Variants in TBC1D8B observed in about 807,000 individuals in gnomAD.
TBC1D8B encodes TBC1 domain family member 8B, also known as RP11-321G1.1.
Under a neutral mutation model 82.9 loss-of-function variants are expected in TBC1D8B, and 75 were observed. The ratio of observed to expected loss-of-function variants is 0.90; its 90% CI spans 0.75 to 1.10. The LOEUF (loss-of-function observed/expected upper bound fraction) is 1.10, where lower values mean the gene tolerates loss of function less well. Ranked by LOEUF, TBC1D8B falls within the 50% of genes least tolerant of loss-of-function variation. The pLI, the probability that TBC1D8B is intolerant of heterozygous loss-of-function variation, is 0.00. For synonymous variants in TBC1D8B, 276 were observed against 276.8 expected, an observed-to-expected ratio of 1.00 and a Z score of 0.03; for missense variants, 794 against 796.9, an observed-to-expected ratio of 1.00 and a Z score of 0.04.
At chrX:106,824,018 G>A (rs1931770174) in intron 5 of TBC1D8B, among the ~76,000 whole-genome samples, 1 of 111,301 alleles carries the variant, frequency 9.0e-6, no homozygotes, top group Non-Finnish European at 1.9e-5. Context: ...GGCATGATAT[G>A]TGTGAAAGCA....
chrX:106,811,500 G>C (rs981950252), intron 1 of TBC1D8B, among the ~76,000 whole-genome samples: 2 of 111,520 alleles, frequency 1.8e-5, no homozygotes, highest in Admixed American at 9.5e-5. Context: ...CTACACTCCA[G>C]GCAGGGTGAC....
intron 6 of TBC1D8B, 68 bp downstream of exon 6, chrX:106,826,305 CT>C: frequency 2.3e-6 from 2 of 873,947 alleles, no homozygotes; most frequent in Non-Finnish European, 3.2e-6. Context: ...GTAAAATGTC[CT>C]TTAATTCTAT....
intron 14 of TBC1D8B, among the ~76,000 whole-genome samples, chrX:106,860,522 T>C (rs1306541570): frequency 2.7e-5 from 3 of 111,132 alleles, no homozygotes; most frequent in Non-Finnish European, 5.7e-5. Flanking sequence ...ATAGAGGTGT[T>C]CATAGTAGTC....
chrX:106,810,552 G>A (rs1308753290), intron 1 of TBC1D8B, among the ~76,000 whole-genome samples: 1 of 111,804 alleles, frequency 8.9e-6, no homozygotes, highest in African/African-American at 3.3e-5. Flanking sequence ...TGTTCTTTCA[G>A]TGGACATAAA....
intron 11 of TBC1D8B, chrX:106,849,704 T>C (rs1932546460): frequency 1.2e-6 from 1 of 864,699 alleles, no homozygotes; most frequent in Admixed American, 6.2e-5. Context: ...ATTTGTGTAT[T>C]TATCTTGTGT....
At chrX:106,839,026 T>C (rs964719352) in intron 7 of TBC1D8B, among the ~76,000 whole-genome samples, 1 of 111,712 alleles carries the variant, frequency 9.0e-6, no homozygotes. Flanking sequence ...GTTTATTGCA[T>C]GCCTTTGGTT....
intron 7 of TBC1D8B, among the ~76,000 whole-genome samples, chrX:106,834,406 G>A (rs1050928313): frequency 9.0e-6 from 1 of 111,202 alleles, no homozygotes; most frequent in African/African-American, 3.3e-5. Context: ...GACACGTGGG[G>A]ATTATTACAA....
chrX:106,841,459 T>C (rs1402827062), intron 10 of TBC1D8B, among the ~76,000 whole-genome samples: 2 of 111,367 alleles, frequency 1.8e-5, no homozygotes, highest in African/African-American at 3.3e-5. Context: ...AGGACCATGT[T>C]TGTTTAGTTT....
chrX:106,850,345 AGATTTGAGAGAT>A, intron 12 of TBC1D8B, 35 bp downstream of exon 12: 1 of 1,118,551 alleles, frequency 8.9e-7, no homozygotes, highest in Non-Finnish European at 1.2e-6. Flanking sequence ...AATCTGGAGG[AGATTTGAGAGAT>A]GATGTTGTTC....
At chrX:106,869,605 A>G in intron 19 of TBC1D8B, 64 bp downstream of exon 19, 2 of 935,537 alleles carry the variant, frequency 2.1e-6, no homozygotes, top group Non-Finnish European at 3.0e-6. Flanking sequence ...AAGGATAGCT[A>G]CAAAGGGGGA....
rs957331152 is a variant in TBC1D8B at position 106,860,527 on chromosome X, G to C, written c.2353-5032G>C. 4.5e-5 allele frequency among the ~76,000 whole-genome samples: 5 copies of C among 110,901 alleles called. No homozygotes were observed. The Admixed American group carries it at 4.8e-4, about 11-fold the overall frequency. On this transcript the variant is annotated intron_variant, in intron 14 of 20. Transcript: ENST00000357242. ...GTTTGTGTACATAGAGGTGTTCATA[G>C]TAGTCTCTGAGGGTATTTTTTGTAT...
chrX:106,815,157 T>A (rs1931503568), intron 1 of TBC1D8B: 1 of 112,464 alleles, frequency 8.9e-6, no homozygotes, highest in Admixed American at 9.4e-5. Flanking sequence ...CAAGGTTTTC[T>A]TCTAGGGTTT....
At chrX:106,861,246 T>A (rs1417909121) in intron 14 of TBC1D8B, among the ~76,000 whole-genome samples, 1 of 111,434 alleles carries the variant, frequency 9.0e-6, no homozygotes, top group Non-Finnish European at 1.9e-5. Flanking sequence ...GTCCGTTTGG[T>A]CAAGTGTTGA....
At position 106,802,777 on chromosome X, in the gene TBC1D8B, C is replaced by T; in HGVS notation, c.-77C>T. 1 of 1,171,127 alleles carries T rather than the reference C, an allele frequency of 8.5e-7. No individual in the cohort carries two copies. Among genetic ancestry groups the T allele is most frequent in the South Asian group, 1.9e-5 (1 of 52,536 alleles). On this transcript the variant is annotated 5_prime_UTR_variant, in exon 1 of 21. Transcript: ENST00000357242. The stretch of plus-strand genomic sequence containing the variant: ...GAGGAAGATTTGGTGGGAGGAGAAG[C>T]AGAGGGGAAGAGACGGGTTGAGAGT...
chrX:106,817,745 G>T (rs1931583623), intron 1 of TBC1D8B, among the ~76,000 whole-genome samples: 1 of 111,427 alleles, frequency 9.0e-6, no homozygotes, highest in Non-Finnish European at 1.9e-5. Context: ...AAAATGGAAA[G>T]TATTATTGCT....
intron 10 of TBC1D8B, among the ~76,000 whole-genome samples, chrX:106,842,895 T>G (rs1300586839): frequency 9.0e-6 from 1 of 111,327 alleles, no homozygotes; most frequent in Non-Finnish European, 1.9e-5. Flanking sequence ...ATCTACTTTC[T>G]AGCTCTATGA....
At chrX:106,817,420 C>T (rs1931575508) in intron 1 of TBC1D8B, among the ~76,000 whole-genome samples, 1 of 111,524 alleles carries the variant, frequency 9.0e-6, no homozygotes, top group African/African-American at 3.2e-5. Flanking sequence ...AAATCCGAAA[C>T]ATTGATTGCT....
intron 7 of TBC1D8B, among the ~76,000 whole-genome samples, chrX:106,833,017 T>A (rs1602418787): frequency 9.0e-6 from 1 of 111,332 alleles, no homozygotes; most frequent in African/African-American, 3.3e-5. Context: ...ATGAACAGGA[T>A]CCTATTTAAG....
At chrX:106,844,289 C>G (rs1395439131) in intron 10 of TBC1D8B, among the ~76,000 whole-genome samples, 1 of 108,944 alleles carries the variant, frequency 9.2e-6, no homozygotes, top group Non-Finnish European at 1.9e-5. Context: ...TGTTATTTAT[C>G]TTAAGGGGAG....
Sources: gnomAD v4.1 joint callset for allele counts (sites outside exome capture counted in the v4.1 genomes callset) on GRCh38, gnomAD v4.1.1 for gene constraint, MANE v1.5 for transcripts, NCBI Gene and HGNC (gene_info 2026-07-23, HGNC 2026-07-21) for gene names.